The following CWC25 variants were observed in gnomAD, a reference collection of about 807,000 sequenced individuals.
CWC25 encodes the protein CWC25 spliceosome associated protein, also known as pre-mRNA-splicing factor CWC25 homolog.
CWC25 carries 31 observed loss-of-function variants against 54.6 expected under a neutral mutation model. The observed-to-expected ratio is 0.57, with a 90% CI of 0.43 to 0.77. CWC25 has a LOEUF of 0.77. CWC25 is among the 30% of genes least tolerant of loss of function. The probability of loss-of-function intolerance (pLI) is 0.00; values close to 1 mark genes in which losing one functional copy is unlikely to be tolerated. For missense variants in CWC25, 453 were observed against 529.3 expected (o/e 0.86, Z 1.41); for synonymous variants, 151 against 187.0 (o/e 0.81, Z 1.57).
In CWC25 at chr17:38,810,592, G is replaced by T; in HGVS notation, c.502C>A (p.Gln168Lys). 2 of 1,433,486 alleles carry T rather than the reference G, an allele frequency of 1.4e-6. No individual in the cohort carries two copies. Among genetic ancestry groups the T allele is most frequent in the Non-Finnish European group, 1.9e-6 (2 of 1,038,122 alleles). 88.8% of individuals were successfully genotyped at this position (1,433,486 alleles called of 1,614,324 possible). The change falls in exon 5 of 10, where the codon CAA becomes AAA. Residue 168 changes from glutamine to lysine, a missense_variant. Gln to Lys is a moderately conservative substitution (Grantham distance 53, BLOSUM62 1). Around this residue, in one of 2 missense-constraint regions of CWC25, gnomAD observed 444 missense variants for 499.2 expected, o/e 0.89. Coordinates refer to ENST00000614790, the MANE Select transcript of CWC25 (RefSeq NM_017748.5). The stretch of plus-strand genomic sequence containing the variant: ...TTCTCCTTTTTTTCCAGACTCATTT[G>T]CAACTGGAAAATGCCGAGAACACAA... Reference protein sequence around the residue: ...VKMKKIKELLQMSLEKKEKKK... With the variant: ...VKMKKIKELLKMSLEKKEKKK...
intron 1 of CWC25, among the ~76,000 whole-genome samples, chr17:38,823,203 A>G (rs548244049): frequency 8.5e-5 from 12 of 140,594 alleles, no homozygotes; most frequent in African/African-American, 3.2e-4. Context: ...TCTGTCACGC[A>G]GGCTAGAGTG....
intron 1 of CWC25, among the ~76,000 whole-genome samples, chr17:38,823,869 C>G (rs993001294): frequency 1.3e-5 from 2 of 152,204 alleles, no homozygotes; most frequent in African/African-American, 4.8e-5. Flanking sequence ...AGTCTAGTGG[C>G]TAGAGGCCAG....
intron 1 of CWC25, 63 bp downstream of exon 1, chr17:38,825,103 C>A: frequency 4.3e-6 from 6 of 1,406,966 alleles, no homozygotes; most frequent in South Asian, 1.4e-5. Flanking sequence ...TCCTCTACCC[C>A]CACCCCCTGC....
rs1250496479 is a variant in CWC25, at chr17:38,800,998, G to GA, written c.*1093dup. 16 of 152,022 alleles carry GA rather than the reference G, an allele frequency of 1.1e-4. No individual in the cohort carries two copies. The highest frequency in any genetic ancestry group is 3.1e-4 in the African/African-American group (13 of 41,378). The allele number at this position is 152,022 out of a possible 1,614,324, so 9.4% of individuals were successfully genotyped here. A position where few individuals can be genotyped will look rare whatever the true frequency, so the allele number is the denominator to read the frequency against. ...GACGGGGTTTCACCGTGTTCGCCAG[G>GA]ATGGTCTCGATCTCCTGACCTCGTG... On this transcript the variant is annotated 3_prime_UTR_variant, in exon 10 of 10. Coordinates refer to ENST00000614790, the MANE Select transcript of CWC25 (RefSeq NM_017748.5).
At chr17:38,802,949 C>A in intron 8 of CWC25, 88 bp from the exon 9 acceptor site, 1 of 1,493,198 alleles carries the variant, frequency 6.7e-7, no homozygotes, top group Non-Finnish European at 9.2e-7. Flanking sequence ...GGTGGGACCC[C>A]AAGCTCTCCA....
intron 1 of CWC25, among the ~76,000 whole-genome samples, chr17:38,822,320 C>G (rs1159416226): frequency 1.3e-5 from 2 of 152,162 alleles, no homozygotes; most frequent in Non-Finnish European, 2.9e-5. Context: ...GCCTTGGCCT[C>G]TCAAAGTGCT....
rs1193540066 is a variant in CWC25, at chr17:38,825,290, G to T, written c.-107C>A. Reference sequence around the variant, plus strand: ...GCTACCTCGCGGGATCTAGTCCCAGGAGCCGTCAACTGCCAGTTTCACCAC... The same window carrying T: ...GCTACCTCGCGGGATCTAGTCCCAGTAGCCGTCAACTGCCAGTTTCACCAC... On this transcript the variant is annotated 5_prime_UTR_variant, in exon 1 of 10. Coordinates refer to ENST00000614790, the MANE Select transcript of CWC25 (RefSeq NM_017748.5). 3 of 1,263,006 alleles carry T rather than the reference G, an allele frequency of 2.4e-6. No individual in the cohort carries two copies. The highest frequency in any genetic ancestry group is 3.3e-6 in the Non-Finnish European group (3 of 919,016). The allele number at this position is 1,263,006 out of a possible 1,614,324, so 78.2% of individuals were successfully genotyped here.
In CWC25 at chr17:38,802,863, T is replaced by C; in HGVS notation, c.1002-2A>G. ...TCTAATTCCTCTGCAGAGAGTTTTC[T>C]GTTGAGCACAGAAACCATACGATCA... On this transcript the variant is annotated splice_acceptor_variant, in intron 8 of 9. Transcript: ENST00000614790. LOFTEE classifies it high-confidence loss of function. 6.2e-7 allele frequency: 1 copy of C among 1,613,896 alleles called. No homozygotes were observed. Among genetic ancestry groups the C allele is most frequent in the Non-Finnish European group, 8.5e-7 (1 of 1,179,872 alleles).
intron 8 of CWC25, among the ~76,000 whole-genome samples, chr17:38,803,886 ATT>A (rs1467876280): frequency 6.6e-6 from 1 of 151,172 alleles, no homozygotes; most frequent in African/African-American, 2.4e-5. Context: ...CAAAAAAAAA[ATT>A]TTTTTTTAAT....
intron 2 of CWC25, among the ~76,000 whole-genome samples, chr17:38,816,255 T>C (rs1404525619): frequency 6.6e-6 from 1 of 152,154 alleles, no homozygotes; most frequent in Non-Finnish European, 1.5e-5. Context: ...TTTTGTTCTT[T>C]TTTTTCTTTT....
chr17:38,810,406 G>C (rs1294575975), intron 5 of CWC25, 62 bp downstream of exon 5: 9 of 1,474,156 alleles, frequency 6.1e-6, no homozygotes, highest in Non-Finnish European at 6.3e-6. Context: ...CATGTCTGTG[G>C]AATGAATGAG....
intron 2 of CWC25, among the ~76,000 whole-genome samples, chr17:38,817,660 A>C (rs1302069359): frequency 1.3e-5 from 2 of 150,112 alleles, no homozygotes; most frequent in Non-Finnish European, 3.0e-5. Flanking sequence ...GGTGGCGTGC[A>C]TCTGTAGTCC....
chr17:38,810,655 C>G, intron 4 of CWC25, 60 bp from the exon 5 acceptor site: 1 of 849,574 alleles, frequency 1.2e-6, no homozygotes, highest in South Asian at 1.4e-5. Flanking sequence ...CGCAGTGGCT[C>G]ATGCCTGTAA....
At chr17:38,824,871 C>A (rs1356426555) in intron 1 of CWC25, among the ~76,000 whole-genome samples, 2 of 152,094 alleles carry the variant, frequency 1.3e-5, no homozygotes. Context: ...CCTTTCCTAG[C>A]CATGGCTCCA....
intron 2 of CWC25, among the ~76,000 whole-genome samples, chr17:38,815,942 A>C (rs916003645): frequency 6.6e-6 from 1 of 152,214 alleles, no homozygotes; most frequent in Admixed American, 6.6e-5. Flanking sequence ...CAAAAGAGCC[A>C]AACACTGAAT....
At chr17:38,814,520 C>T (rs1911617780) in intron 3 of CWC25, among the ~76,000 whole-genome samples, 1 of 151,328 alleles carries the variant, frequency 6.6e-6, no homozygotes, top group Admixed American at 6.6e-5. Flanking sequence ...GCGGGCGGAT[C>T]ACAAGGTGGT....
intron 4 of CWC25, among the ~76,000 whole-genome samples, chr17:38,812,227 G>A (rs540091942): frequency 1.3e-5 from 2 of 151,954 alleles, no homozygotes; most frequent in Middle Eastern, 3.4e-3. Context: ...ATGAGCCACC[G>A]CGCCCAGCCC....
At chr17:38,824,513 C>T (rs228258) in intron 1 of CWC25, among the ~76,000 whole-genome samples, 1 of 151,724 alleles carries the variant, frequency 6.6e-6, no homozygotes, top group South Asian at 2.1e-4. Context: ...ATGGAGAAAC[C>T]CTGTCTCTAC....
intron 2 of CWC25, among the ~76,000 whole-genome samples, chr17:38,817,213 G>A (rs1911737005): frequency 6.7e-6 from 1 of 149,906 alleles, no homozygotes; most frequent in Non-Finnish European, 1.5e-5. Context: ...GGTGGTACAC[G>A]CCTGTAGTCC....
Sources: allele counts gnomAD v4.1 joint callset (sites outside exome capture counted in the v4.1 genomes callset), GRCh38; gene constraint gnomAD v4.1.1; regional missense constraint gnomAD v4.1.1; transcripts MANE v1.5; gene names NCBI Gene and HGNC (gene_info 2026-07-23, HGNC 2026-07-21).